VPS8: variants seen among roughly 807,000 people sequenced by gnomAD.
The protein encoded by VPS8 is VPS8 subunit of CORVET complex.
In VPS8, 129 loss-of-function variants were observed where a neutral mutation model predicts 216.4. The ratio of observed to expected loss-of-function variants is 0.60; its 90% CI spans 0.52 to 0.69. The LOEUF (loss-of-function observed/expected upper bound fraction) is 0.69. VPS8 is among the 30% of genes least tolerant of loss of function. The pLI is 0.00. For synonymous variants in VPS8, 571 were observed against 565.4 expected (o/e 1.01, Z -0.14); for missense variants, 1,531 against 1,683.5 (o/e 0.91, Z 1.59).
At chr3:185,009,733 C>T (rs1260548277) in intron 45 of VPS8, among the ~76,000 whole-genome samples, 3 of 152,020 alleles carry the variant, frequency 2.0e-5, no homozygotes, top group African/African-American at 7.2e-5. Flanking sequence ...AAGATTTCTA[C>T]CAAATTACTC....
chr3:184,985,835 C>A (rs1039023466), intron 42 of VPS8, among the ~76,000 whole-genome samples: 2 of 152,188 alleles, frequency 1.3e-5, no homozygotes. Flanking sequence ...AAAGCATAAT[C>A]TGTAGAGAGA....
chr3:184,897,835 C>A (rs1174702617), intron 23 of VPS8, among the ~76,000 whole-genome samples: 1 of 152,130 alleles, frequency 6.6e-6, no homozygotes, highest in African/African-American at 2.4e-5. Context: ...AAACTCATAT[C>A]TAGTCCTCTT....
At chr3:184,827,665 A>G (rs1719074486) in intron 3 of VPS8, among the ~76,000 whole-genome samples, 1 of 152,214 alleles carries the variant, frequency 6.6e-6, no homozygotes, top group South Asian at 2.1e-4. Context: ...TGTGGTTCAT[A>G]ATGAAGGAAA....
intron 36 of VPS8, among the ~76,000 whole-genome samples, chr3:184,948,180 T>A (rs1240317727): frequency 6.6e-6 from 1 of 152,018 alleles, no homozygotes. Flanking sequence ...GCCTGATCAT[T>A]TGCATAAAGT....
At chr3:185,014,391 CT>C (rs1755484750) in intron 45 of VPS8, among the ~76,000 whole-genome samples, 2 of 152,180 alleles carry the variant, frequency 1.3e-5, no homozygotes, top group Admixed American at 6.5e-5. Flanking sequence ...CCCAGAGTCT[CT>C]TCCTCGGCAT....
In VPS8 at chr3:184,869,609, G is replaced by A. The variant is rs1263726976; in HGVS notation, c.1644+81G>A. 4 of 1,364,646 alleles carry A rather than the reference G, an allele frequency of 2.9e-6. No individual in the cohort carries two copies. In the African/African-American group the frequency reaches 5.7e-5, roughly 20 times the overall value. The allele number at this position is 1,364,646 out of a possible 1,614,324, so 84.5% of individuals were successfully genotyped here. A position where few individuals can be genotyped will look rare whatever the true frequency, so the allele number is the denominator to read the frequency against. Reference sequence around the variant, plus strand: ...TTGCCAGTATCTTTGGGCATGAGTAGATAAATGGCTACAATCTAGAAGAGA... The same window carrying A: ...TTGCCAGTATCTTTGGGCATGAGTAAATAAATGGCTACAATCTAGAAGAGA... On this transcript the variant is annotated intron_variant, in intron 20 of 47. Transcript: ENST00000625842.
intron 25 of VPS8, among the ~76,000 whole-genome samples, chr3:184,903,995 A>G (rs1735039719): frequency 6.6e-6 from 1 of 151,798 alleles, no homozygotes; most frequent in Non-Finnish European, 1.5e-5. Flanking sequence ...TATTTTATTC[A>G]CCTTGATGCT....
intron 37 of VPS8, among the ~76,000 whole-genome samples, chr3:184,962,442 G>A (rs1036035193): frequency 1.3e-5 from 2 of 152,088 alleles, no homozygotes; most frequent in Middle Eastern, 3.2e-3. Flanking sequence ...TTTTGCCATG[G>A]TGGGTATTAG....
intron 29 of VPS8, among the ~76,000 whole-genome samples, chr3:184,922,655 TA>T (rs1393769040): frequency 6.6e-6 from 1 of 152,170 alleles, no homozygotes; most frequent in Non-Finnish European, 1.5e-5. Flanking sequence ...ATTTTGAGAT[TA>T]TTTTTTTCAT....
intron 7 of VPS8, among the ~76,000 whole-genome samples, chr3:184,841,031 G>A (rs960941862): frequency 5.3e-5 from 8 of 152,072 alleles, no homozygotes; most frequent in African/African-American, 1.9e-4. Context: ...AAATGTAATT[G>A]TAAAACCTAG....
At chr3:184,842,556 G>A (rs1037386789) in intron 7 of VPS8, among the ~76,000 whole-genome samples, 3 of 152,098 alleles carry the variant, frequency 2.0e-5, no homozygotes, top group East Asian at 1.9e-4. Flanking sequence ...TTTGGACAAC[G>A]TGTTTTATCA....
At chr3:185,027,604 A>G (rs1184550344) in intron 46 of VPS8, among the ~76,000 whole-genome samples, 3 of 152,152 alleles carry the variant, frequency 2.0e-5, no homozygotes, top group Admixed American at 6.5e-5. Flanking sequence ...CTGCTCCCCT[A>G]CAACACTGTT....
At chr3:184,894,662 G>T (rs914334978) in intron 22 of VPS8, 41 bp from the exon 23 acceptor site, 5 of 1,442,472 alleles carry the variant, frequency 3.5e-6, no homozygotes, top group Non-Finnish European at 4.8e-6. Context: ...TGGATATTTG[G>T]CATGTTCCTA....
Position 184,898,596 on chromosome 3 carries a change from A to C in VPS8, c.2036A>C (p.Tyr679Ser), listed in dbSNP as rs1309399571. Residue 679 changes from tyrosine to serine, a missense_variant, in exon 24 of 48, where the codon TAT becomes TCT. Around this residue, in one of 3 missense-constraint regions of VPS8, gnomAD observed 1,318 missense variants for 1,468.4 expected, o/e 0.90. Coordinates refer to ENST00000625842, the MANE Select transcript of VPS8 (RefSeq NM_001009921.3). Reference sequence around the variant, plus strand: ...CTCATGTGTTGGGAAAATCGTTTATATGATGCTATGATCTATGTCTACAAC... The same window carrying C: ...CTCATGTGTTGGGAAAATCGTTTATCTGATGCTATGATCTATGTCTACAAC... ...VVLMCWENRLYDAMIYVYNRG... is the reference protein window; with the variant it reads ...VVLMCWENRLSDAMIYVYNRG... 6.4e-7 allele frequency: 1 copy of C among 1,554,770 alleles called. No individual in the cohort carries two copies. Among genetic ancestry groups the C allele is most frequent in the Non-Finnish European group, 8.7e-7 (1 of 1,148,030 alleles).
intron 10 of VPS8, among the ~76,000 whole-genome samples, chr3:184,850,371 TA>T (rs1333401903): frequency 1.3e-5 from 2 of 152,338 alleles, no homozygotes; most frequent in African/African-American, 4.8e-5. Context: ...ATGGAGCTCT[TA>T]AAAGGTCTTT....
chr3:184,841,528 C>T (rs1034635442), intron 7 of VPS8, among the ~76,000 whole-genome samples: 12 of 152,104 alleles, frequency 7.9e-5, no homozygotes, highest in Non-Finnish European at 1.6e-4. Context: ...ATCTTCGTTA[C>T]TACATTTCTG....
At chr3:184,979,240 A>G (rs2109722022) in intron 40 of VPS8, among the ~76,000 whole-genome samples, 1 of 152,172 alleles carries the variant, frequency 6.6e-6, no homozygotes, top group South Asian at 2.1e-4. Flanking sequence ...ATTTTAGAGT[A>G]TGTGCCAGGT....
At chr3:184,960,797 T>C (rs1746380175) in intron 37 of VPS8, among the ~76,000 whole-genome samples, 2 of 152,196 alleles carry the variant, frequency 1.3e-5, no homozygotes, top group Admixed American at 1.3e-4. Context: ...CACAGTTCAC[T>C]GTGAAATAAT....
At chr3:184,860,130 T>G in intron 15 of VPS8, 65 bp downstream of exon 15, 2 of 1,282,100 alleles carry the variant, frequency 1.6e-6, no homozygotes, top group Non-Finnish European at 2.2e-6. Flanking sequence ...CTATGATATA[T>G]TAAAGCTACC....
Sources: allele counts gnomAD v4.1 joint callset (sites outside exome capture counted in the v4.1 genomes callset), GRCh38; gene constraint gnomAD v4.1.1; regional missense constraint gnomAD v4.1.1; transcripts MANE v1.5; gene names NCBI Gene and HGNC (gene_info 2026-07-23, HGNC 2026-07-21).